Variants in NR6A1 observed in about 807,000 individuals in gnomAD.
The protein encoded by NR6A1 is retinoic acid receptor-related testis-associated receptor.
Under a neutral mutation model 59.1 loss-of-function variants are expected in NR6A1, and 7 were observed. The observed-to-expected ratio is 0.12, with a 90% CI of 0.07 to 0.22. The LOEUF (loss-of-function observed/expected upper bound fraction) is 0.22. Ranked by LOEUF, NR6A1 falls within the 10% of genes least tolerant of loss-of-function variation. NR6A1 has a pLI of 1.00. For synonymous variants in NR6A1, 243 were observed against 236.1 expected, an observed-to-expected ratio of 1.03 and a Z score of -0.27; for missense variants, 468 against 611.6, an observed-to-expected ratio of 0.77 and a Z score of 2.48.
chr9:124,680,078 CTGTGTGTATGTATGTGTG>C (rs1434474837), intron 2 of NR6A1, among the ~76,000 whole-genome samples: 1 of 144,040 alleles, frequency 6.9e-6, no homozygotes, highest in Non-Finnish European at 1.5e-5. Context: ...GTTTATGTGT[CTGTGTGTATGTATGTGTG>C]TGTGTGTGTG....
At position 124,517,798 on chromosome 9, in the gene NR6A1, GCAGACCTGGGATGGCAACA is replaced by G. The variant is rs1482809966; in HGVS notation, c.*4888_*4906del. ...CACAATGCAGCCACCAGCCCCTATG[GCAGACCTGGGATGGCAACA>G]CAGACAAAAACACCAACACCCCAGG... On this transcript the variant is annotated 3_prime_UTR_variant, in exon 10 of 10. Transcript: ENST00000487099. 6.6e-6 allele frequency: 1 copy of G among 152,142 alleles called. No individual in the cohort carries two copies. Among genetic ancestry groups the G allele is most frequent in the East Asian group, 1.9e-4 (1 of 5,176 alleles). The allele number at this position is 152,142 out of a possible 1,614,324, so 9.4% of individuals were successfully genotyped here. A position where few individuals can be genotyped will look rare whatever the true frequency, so the allele number is the denominator to read the frequency against.
At chr9:124,555,419 C>T (rs181158276) in intron 2 of NR6A1, among the ~76,000 whole-genome samples, 1 of 152,226 alleles carries the variant, frequency 6.6e-6, no homozygotes, top group East Asian at 1.9e-4. Flanking sequence ...ATATTTCAAC[C>T]TCACTCCTGA....
chr9:124,593,116 C>T (rs532432625), intron 2 of NR6A1, among the ~76,000 whole-genome samples: 7 of 152,050 alleles, frequency 4.6e-5, no homozygotes, highest in African/African-American at 7.2e-5. Flanking sequence ...TGCTTAACAC[C>T]CATATAACAT....
At chr9:124,733,978 A>G (rs1051857661) in intron 1 of NR6A1, among the ~76,000 whole-genome samples, 4 of 152,218 alleles carry the variant, frequency 2.6e-5, no homozygotes, top group African/African-American at 7.2e-5. Flanking sequence ...TGGCTGGTAT[A>G]TAACTAACAC....
chr9:124,559,657 A>G (rs892441955), intron 2 of NR6A1, among the ~76,000 whole-genome samples: 2 of 152,152 alleles, frequency 1.3e-5, no homozygotes, highest in Non-Finnish European at 2.9e-5. Flanking sequence ...CATGCCTGTA[A>G]TCCCAGCGAC....
In NR6A1 at chr9:124,628,485, A is replaced by AG. The variant is rs1369167363; in HGVS notation, c.143-73916dup. On this transcript the variant is annotated intron_variant, in intron 2 of 9. Transcript: ENST00000487099. ...CAGCCTCCCAAGTAGCTGGAACTTCAGGCACATACTACCACACCCGGCTAA... is the reference window on the plus strand; with the variant it reads ...CAGCCTCCCAAGTAGCTGGAACTTCAGGGCACATACTACCACACCCGGCTAA... Among the ~76,000 whole-genome samples the AG allele has an allele frequency of 3.3e-5, 5 of 152,264 alleles. No homozygotes were observed. The East Asian group carries it at 9.7e-4, about 29-fold the overall frequency.
In NR6A1 at chr9:124,554,527, A is replaced by T. The variant is rs1023477697; in HGVS notation, c.186T>A (p.Ile62=). ...DDRAEQRTCL[I]CGDRATGLHY... ...GCAAGCCTGTAGCGCGGTCCCCACA[A>T]ATGAGACAGGTTCGTTGTTCAGCCC... The change falls in exon 3 of 10, where the codon ATT becomes ATA. Residue 62 remains isoleucine (I), a synonymous_variant. Transcript: ENST00000487099. The T allele has an allele frequency of 2.5e-6, 4 of 1,614,092 alleles. No homozygotes were observed. The highest frequency in any genetic ancestry group is 3.4e-6 in the Non-Finnish European group (4 of 1,180,038).
chr9:124,538,042 T>C, intron 6 of NR6A1, 50 bp downstream of exon 6: 1 of 1,495,220 alleles, frequency 6.7e-7, no homozygotes. Context: ...GGGTGTGGGG[T>C]AGGGACACTT....
intron 2 of NR6A1, among the ~76,000 whole-genome samples, chr9:124,728,691 G>A (rs184610170): frequency 2.0e-5 from 3 of 150,630 alleles, no homozygotes; most frequent in Non-Finnish European, 4.4e-5. Flanking sequence ...TCAGTCACTT[G>A]AGAGAAAATG....
chr9:124,718,247 C>T (rs1839456943), intron 2 of NR6A1, among the ~76,000 whole-genome samples: 1 of 152,164 alleles, frequency 6.6e-6, no homozygotes, highest in Non-Finnish European at 1.5e-5. Context: ...CAGGATAGCC[C>T]AATTTATATA....
At chr9:124,737,180 T>TA (rs145425596) in intron 1 of NR6A1, among the ~76,000 whole-genome samples, 2,332 of 152,070 alleles carry the variant, frequency 0.015, 29 homozygotes, top group Middle Eastern at 0.095. Flanking sequence ...ATATTCACAC[T>TA]AAAAAAAATC....
chr9:124,616,179 C>A (rs140436184), intron 2 of NR6A1, among the ~76,000 whole-genome samples: 1,566 of 151,936 alleles, frequency 0.01, 21 homozygotes, highest in Non-Finnish European at 0.016. Flanking sequence ...GAGCAGATCA[C>A]CTGAGGCCAG....
At chr9:124,751,780 A>G (rs955422231) in intron 1 of NR6A1, among the ~76,000 whole-genome samples, 1 of 152,220 alleles carries the variant, frequency 6.6e-6, no homozygotes, top group Non-Finnish European at 1.5e-5. Context: ...GAAAATTACC[A>G]TAACTGGAAT....
At chr9:124,693,906 T>C in intron 2 of NR6A1, 1 of 396,980 alleles carries the variant, frequency 2.5e-6, no homozygotes, top group Non-Finnish European at 5.2e-6. Flanking sequence ...CTTTTCTTGT[T>C]CTCCTTGGTT....
At chr9:124,650,648 C>G (rs1837072444) in intron 2 of NR6A1, among the ~76,000 whole-genome samples, 1 of 152,060 alleles carries the variant, frequency 6.6e-6, no homozygotes, top group African/African-American at 2.4e-5. Flanking sequence ...CCCTATTACC[C>G]CAATTTGATC....
rs544064331 is a variant in NR6A1, at chr9:124,702,090, G to A, written c.142+31218C>T. ...GAAGTTTTCCCATTTTCTTAATAAC[G>A]TATTTTGAAATGCAAAAGTTTTACA... On this transcript the variant is annotated intron_variant, in intron 2 of 9. Coordinates refer to ENST00000487099, the MANE Select transcript of NR6A1 (RefSeq NM_033334.4). 6.6e-5 allele frequency among the ~76,000 whole-genome samples: 10 copies of A among 152,172 alleles called. No homozygotes were observed. In the East Asian group the frequency reaches 1.9e-3, roughly 29 times the overall value.
intron 2 of NR6A1, among the ~76,000 whole-genome samples, chr9:124,634,477 A>G (rs1358023585): frequency 2.6e-5 from 4 of 152,034 alleles, no homozygotes; most frequent in Non-Finnish European, 4.4e-5. Flanking sequence ...TTTTCCATCA[A>G]AGTTTTCCTT....
chr9:124,538,179 A>G lies in NR6A1; in HGVS notation c.737T>C (p.Leu246Pro). 1 of 1,614,240 alleles carries G rather than the reference A, an allele frequency of 6.2e-7. No homozygotes were observed. The highest frequency in any genetic ancestry group is 8.5e-7 in the Non-Finnish European group (1 of 1,180,032). Reference sequence around the variant, plus strand: ...AATCAGACTGTATGACTGGGGATCCAGGCTGCGAGCTTGTTGGGGCAGAAG... The same window carrying G: ...AATCAGACTGTATGACTGGGGATCCGGGCTGCGAGCTTGTTGGGGCAGAAG... The part of the protein sequence containing the change: ...SPLLPQQARS[L>P]DPQSYSLIHQ... Residue 246 changes from leucine to proline, a missense_variant, in exon 6 of 10, where the codon CTG (leucine) becomes CCG (proline). This residue lies in a region of NR6A1 where 151 missense variants were observed against 142.8 expected (regional missense o/e 1.06). Transcript: ENST00000487099.
chr9:124,561,387 G>C (rs1430591056), intron 2 of NR6A1, among the ~76,000 whole-genome samples: 1 of 152,112 alleles, frequency 6.6e-6, no homozygotes, highest in Non-Finnish European at 1.5e-5. Flanking sequence ...GCAGTGAGCT[G>C]TGATCATGCC....
Sources: allele counts gnomAD v4.1 joint callset (sites outside exome capture counted in the v4.1 genomes callset), GRCh38; gene constraint gnomAD v4.1.1; regional missense constraint gnomAD v4.1.1; transcripts MANE v1.5; gene names NCBI Gene and HGNC (gene_info 2026-07-23, HGNC 2026-07-21).